PAK4: variants seen among roughly 807,000 people sequenced by gnomAD.
The protein encoded by PAK4 is p21 (RAC1) activated kinase 4.
A neutral mutation model predicts 53.5 loss-of-function variants in PAK4; 49 were observed. That is an observed-to-expected ratio of 0.92 (90% confidence interval 0.73 to 1.16). The LOEUF is 1.16. PAK4 is among the 50% of genes most tolerant of loss of function. The pLI, the probability that PAK4 is intolerant of heterozygous loss-of-function variation, is 0.00. For missense variants in PAK4, 824 were observed against 850.7 expected (o/e 0.97, Z 0.39); for synonymous variants, 376 against 375.6 (o/e 1.00, Z -0.01).
At chr19:39,132,918 G>A (rs1294248292) in intron 1 of PAK4, among the ~76,000 whole-genome samples, 1 of 152,238 alleles carries the variant, frequency 6.6e-6, no homozygotes, top group Non-Finnish European at 1.5e-5. Flanking sequence ...ACAGCTTTGT[G>A]TTGTTGAAAG....
chr19:39,166,720 C>T (rs2074382356), intron 1 of PAK4, among the ~76,000 whole-genome samples: 1 of 152,194 alleles, frequency 6.6e-6, no homozygotes, highest in African/African-American at 2.4e-5. Context: ...TGCACCTGGG[C>T]AAGCCCAGCC....
intron 1 of PAK4, among the ~76,000 whole-genome samples, chr19:39,143,880 G>A (rs71356840): frequency 0.32 from 48,198 of 150,774 alleles, 7,992 homozygotes; most frequent in East Asian, 0.45. Context: ...GCTGAGGTGG[G>A]AGGATTGCTT....
At position 39,173,276 on chromosome 19, in the gene PAK4, C is replaced by G; in HGVS notation, c.563C>G (p.Pro188Arg). 1 of 1,603,672 alleles carries G rather than the reference C, an allele frequency of 6.2e-7. No individual in the cohort carries two copies. The change falls in exon 3 of 9, where the codon CCC (proline) becomes CGC (arginine). Residue 188 changes from proline (P) to arginine (R), a missense_variant. Physicochemically the swap from Pro to Arg is moderately radical, Grantham distance 103 (BLOSUM62 -2). Transcript: ENST00000358301. This position sits in a 1 kb window ranked among gnomAD's most constrained non-coding sequence, Gnocchi z 6.9. Reference sequence around the variant, plus strand: ...CTCTCCGGGCCTGATGTCGGCACCCCCCAGCCTGCTGGTCTGGCCAGTGGG... The same window carrying G: ...CTCTCCGGGCCTGATGTCGGCACCCGCCAGCCTGCTGGTCTGGCCAGTGGG...
chr19:39,137,974 A>G (rs931651628), intron 1 of PAK4, among the ~76,000 whole-genome samples: 5 of 142,648 alleles, frequency 3.5e-5, no homozygotes, highest in African/African-American at 1.3e-4. Context: ...TGTCTTAGCC[A>G]TTCCTGAGGT....
intron 1 of PAK4, among the ~76,000 whole-genome samples, chr19:39,157,498 A>G (rs1015574102): frequency 1.3e-5 from 2 of 151,814 alleles, no homozygotes; most frequent in East Asian, 3.9e-4. Context: ...CGGCCTTCCC[A>G]TTTGCTGCGC....
intron 1 of PAK4, among the ~76,000 whole-genome samples, chr19:39,144,860 C>T (rs1450925176): frequency 6.6e-6 from 1 of 152,152 alleles, no homozygotes; most frequent in African/African-American, 2.4e-5. Flanking sequence ...CATGCAAATA[C>T]AGAGAAAGCT....
intron 1 of PAK4, among the ~76,000 whole-genome samples, chr19:39,166,831 G>T (rs966374138): frequency 1.8e-4 from 28 of 152,238 alleles, no homozygotes; most frequent in Non-Finnish European, 7.3e-5. Context: ...TGCTGGGGAA[G>T]CCGGCAGGGC....
intron 1 of PAK4, among the ~76,000 whole-genome samples, chr19:39,144,161 TTAGATTAGATAGA>T (rs745770315): frequency 0.056 from 4,803 of 86,292 alleles, 102 homozygotes; most frequent in Non-Finnish European, 0.079. Context: ...GATAGATAGA[TTAGATTAGATAGA>T]TAGATAGATA....
chr19:39,159,808 G>A (rs1419043637), intron 1 of PAK4, among the ~76,000 whole-genome samples: 1 of 152,194 alleles, frequency 6.6e-6, no homozygotes, highest in African/African-American at 2.4e-5. Flanking sequence ...CGGGGACGGC[G>A]CTATACCTGG....
At chr19:39,179,203 T>C (rs1389820403) in exon 9 of PAK4, 1 of 152,654 alleles carries the variant, frequency 6.6e-6, no homozygotes, top group Non-Finnish European at 1.5e-5. Flanking sequence ...GACAGCCTCC[T>C]CTTTTCTAGA....
At chr19:39,147,954 CTTTT>C (rs60141249) in intron 1 of PAK4, among the ~76,000 whole-genome samples, 4 of 111,804 alleles carry the variant, frequency 3.6e-5, no homozygotes, top group Middle Eastern at 4.9e-3. Context: ...TATTCTCTCT[CTTTT>C]TTTTTTTTTT....
At chr19:39,172,349 C>T (rs1224155211) in intron 2 of PAK4, among the ~76,000 whole-genome samples, 2 of 152,184 alleles carry the variant, frequency 1.3e-5, no homozygotes, top group Non-Finnish European at 2.9e-5. Flanking sequence ...GATGCTCTGC[C>T]TGGTCCCCAT....
At chr19:39,176,629 A>C in exon 7 of PAK4, 3 of 1,613,828 alleles carry the variant, frequency 1.9e-6, no homozygotes, top group Non-Finnish European at 2.5e-6. Context: ...CCAGGTGAGC[A>C]AGGAAGTGCC....
At chr19:39,129,108 A>G (rs1314533945) in intron 1 of PAK4, among the ~76,000 whole-genome samples, 2 of 152,072 alleles carry the variant, frequency 1.3e-5, no homozygotes, top group Admixed American at 6.5e-5. Flanking sequence ...GGATCTTGCT[A>G]TGTTGCCTAG....
intron 1 of PAK4, among the ~76,000 whole-genome samples, chr19:39,130,661 AAAAT>A (rs1223814523): frequency 3.3e-5 from 5 of 151,928 alleles, no homozygotes; most frequent in Non-Finnish European, 5.9e-5. Flanking sequence ...CATAAAATAT[AAAAT>A]AAATAAATAA....
intron 1 of PAK4, among the ~76,000 whole-genome samples, chr19:39,136,641 C>G (rs957921110): frequency 2.0e-5 from 3 of 152,198 alleles, no homozygotes. Flanking sequence ...TATTTTGTCT[C>G]CCGGCATAAC....
At chr19:39,132,305 A>G (rs931395662) in intron 1 of PAK4, among the ~76,000 whole-genome samples, 1 of 152,218 alleles carries the variant, frequency 6.6e-6, no homozygotes, top group Non-Finnish European at 1.5e-5. Context: ...ATGTACAGGG[A>G]CGAGCAAATC....
intron 1 of PAK4, among the ~76,000 whole-genome samples, chr19:39,150,809 A>T (rs1355646178): frequency 6.6e-6 from 1 of 152,200 alleles, no homozygotes; most frequent in African/African-American, 2.4e-5. Context: ...TTGCTCTCTC[A>T]TGATCTGCCT....
At chr19:39,149,414 T>C (rs1407602277) in intron 1 of PAK4, among the ~76,000 whole-genome samples, 1 of 152,200 alleles carries the variant, frequency 6.6e-6, no homozygotes, top group Non-Finnish European at 1.5e-5. Flanking sequence ...CCTCTATGAT[T>C]CCACTTGTAC....
Sources: allele counts gnomAD v4.1 joint callset (sites outside exome capture counted in the v4.1 genomes callset), GRCh38; gene constraint gnomAD v4.1.1; non-coding constraint Gnocchi (gnomAD v3.1); transcripts MANE v1.5; gene names NCBI Gene and HGNC (gene_info 2026-07-23, HGNC 2026-07-21).